VPS13D: variants seen among roughly 807,000 people sequenced by gnomAD.
VPS13D encodes the protein vacuolar protein sorting 13 homolog D.
In VPS13D, 187 loss-of-function variants were observed where a neutral mutation model predicts 461.9. The observed-to-expected ratio is 0.40, with a 90% CI of 0.36 to 0.46. The LOEUF (loss-of-function observed/expected upper bound fraction) is 0.46. Ranked by LOEUF, VPS13D falls within the 20% of genes least tolerant of loss-of-function variation. The pLI is 0.60. For synonymous variants in VPS13D, 1,951 were observed against 1,986.3 expected (o/e 0.98, Z 0.47); for missense variants, 4,711 against 5,364.9 (o/e 0.88, Z 3.81).
At position 12,440,956 on chromosome 1, in the gene VPS13D, A is replaced by G. The variant is rs192824421; in HGVS notation, c.12334-15042A>G. ...TTTTTTTCTTTCGAGATGGAGTTTC[A>G]CTCTTGTCACCCAGGGTGGAGTGCA... On this transcript the variant is annotated intron_variant, in intron 65 of 69. Transcript: ENST00000620676. Among the ~76,000 whole-genome samples, 689 of 151,672 alleles carry G rather than the reference A, an allele frequency of 4.5e-3. 3 individuals carry two copies. The highest frequency in any genetic ancestry group is 7.6e-3 in the Non-Finnish European group (517 of 67,890).
At chr1:12,245,784 T>G (rs1338474651) in intron 5 of VPS13D, among the ~76,000 whole-genome samples, 1 of 152,256 alleles carries the variant, frequency 6.6e-6, no homozygotes, top group Non-Finnish European at 1.5e-5. Context: ...CCCTCTGCCT[T>G]CAGCCCCTGT....
chr1:12,230,325 G>A (rs551729408), intron 1 of VPS13D, among the ~76,000 whole-genome samples: 1 of 152,204 alleles, frequency 6.6e-6, no homozygotes, highest in Non-Finnish European at 1.5e-5. Context: ...GCTCCCCCCG[G>A]GCCCCAAGCC....
At chr1:12,422,473 T>C (rs1370794744) in intron 65 of VPS13D, among the ~76,000 whole-genome samples, 1 of 152,246 alleles carries the variant, frequency 6.6e-6, no homozygotes, top group South Asian at 2.1e-4. Flanking sequence ...TGCCACTTTT[T>C]AGTTAATGCA....
At chr1:12,305,190 T>C (rs773685972) in intron 26 of VPS13D, among the ~76,000 whole-genome samples, 4 of 152,260 alleles carry the variant, frequency 2.6e-5, no homozygotes, top group Non-Finnish European at 5.9e-5. Context: ...ACATGAACCA[T>C]CTGGTTATTG....
chr1:12,395,223 A>C (rs776254277), intron 60 of VPS13D, among the ~76,000 whole-genome samples: 1 of 152,210 alleles, frequency 6.6e-6, no homozygotes, highest in Non-Finnish European at 1.5e-5. Flanking sequence ...AGCTGATGAC[A>C]GCATGGGTTG....
intron 46 of VPS13D, among the ~76,000 whole-genome samples, chr1:12,353,042 G>GAT: frequency 8.4e-6 from 1 of 119,180 alleles, no homozygotes; most frequent in South Asian, 2.9e-4. Context: ...AAGAAATGAA[G>GAT]ATATATGTCC....
At chr1:12,440,112 G>T (rs1220171675) in intron 65 of VPS13D, among the ~76,000 whole-genome samples, 1 of 152,190 alleles carries the variant, frequency 6.6e-6, no homozygotes, top group East Asian at 1.9e-4. Flanking sequence ...CTACATTGCC[G>T]CCCAAGAACA....
At chr1:12,260,605 A>G in intron 10 of VPS13D, 88 bp from the exon 11 acceptor site, 4 of 1,102,906 alleles carry the variant, frequency 3.6e-6, no homozygotes, top group Non-Finnish European at 5.5e-6. Flanking sequence ...TCTGTGCTTT[A>G]CTTTTAGTGG....
chr1:12,387,467 C>G (rs983501809), intron 60 of VPS13D, among the ~76,000 whole-genome samples: 1 of 152,208 alleles, frequency 6.6e-6, no homozygotes, highest in Non-Finnish European at 1.5e-5. Context: ...TTGGTCAAAA[C>G]TGATTCACAA....
intron 32 of VPS13D, among the ~76,000 whole-genome samples, chr1:12,320,869 A>G (rs1017194061): frequency 5.9e-5 from 9 of 152,256 alleles, no homozygotes; most frequent in African/African-American, 4.8e-5. Context: ...AGGCAGCACA[A>G]TTGGATCTGA....
intron 63 of VPS13D, among the ~76,000 whole-genome samples, chr1:12,408,645 A>T (rs1644685588): frequency 6.6e-6 from 1 of 152,206 alleles, no homozygotes; most frequent in Admixed American, 6.5e-5. Flanking sequence ...GATTACAGGC[A>T]TGAGCCGCTG....
At chr1:12,330,713 C>A (rs1032046854) in intron 37 of VPS13D, among the ~76,000 whole-genome samples, 1 of 151,778 alleles carries the variant, frequency 6.6e-6, no homozygotes, top group Admixed American at 6.6e-5. Flanking sequence ...ATTACAGGCG[C>A]TTGCCACCAT....
At chr1:12,288,398 G>C (rs1326300286) in intron 22 of VPS13D, 85 bp downstream of exon 22, 2 of 1,231,328 alleles carry the variant, frequency 1.6e-6, no homozygotes, top group Admixed American at 1.7e-5. Flanking sequence ...TTGTCCTCAC[G>C]TGCTGAGTAA....
In VPS13D at chr1:12,276,783, T is replaced by C; in HGVS notation, c.3195T>C (p.Ser1065=). 6.2e-7 allele frequency: 1 copy of C among 1,614,208 alleles called. No individual in the cohort carries two copies. The highest frequency in any genetic ancestry group is 1.1e-5 in the South Asian group (1 of 91,084). ...GATLNDRSAT[S]VSLDKILTKE... is the part of the protein sequence containing the mutation. ...CACTGAACGACCGATCAGCTACTAG[T>C]GTTTCACTTGACAAAATTCTTACCA... is the stretch of plus-strand genomic sequence containing the variant. Residue 1065 remains serine (S), a synonymous_variant, in exon 19 of 70, where the codon AGT becomes AGC. Transcript: ENST00000620676. This position sits in a 1 kb window ranked among gnomAD's most constrained non-coding sequence, Gnocchi z 4.5.
chr1:12,415,302 G>T, intron 64 of VPS13D, 81 bp downstream of exon 64: 1 of 1,576,344 alleles, frequency 6.3e-7, no homozygotes, highest in Admixed American at 1.7e-5. Context: ...GGTTACTAAG[G>T]CATTACTATT....
rs1329058313 is a variant in VPS13D at position 12,257,144 on chromosome 1, A to G, written c.941+57A>G. On this transcript the variant is annotated intron_variant, in intron 9 of 69. Transcript: ENST00000620676. ...ATGTTAGAGCCTGTTCTTGCTATGT[A>G]CATAGATCAGAAATATGCCTCACTG... The G allele has an allele frequency of 1.1e-5, 16 of 1,485,396 alleles. No homozygotes were observed. In the Admixed American group the frequency reaches 2.5e-4, roughly 23 times the overall value. 92.0% of individuals were successfully genotyped at this position (1,485,396 alleles called of 1,614,324 possible).
In VPS13D at chr1:12,378,577, A is replaced by C. The variant is rs2101641943; in HGVS notation, c.11067A>C (p.Ala3689=). The C allele has an allele frequency of 6.3e-7, 1 of 1,581,706 alleles. No homozygotes were observed. The highest frequency in any genetic ancestry group is 1.2e-5 in the South Asian group (1 of 86,176). The change falls in exon 56 of 70, where the codon GCA becomes GCC. Residue 3689 remains alanine, a synonymous_variant. Transcript: ENST00000620676. ...TCTTAGATATTGCTGGTCTCGCTGC[A>C]GTGACTGACAACAGGTAATTTTCTA... ...SAILDIAGLA[A]VTDNRYEPLM...
At chr1:12,365,113 G>C (rs537069610) in intron 52 of VPS13D, among the ~76,000 whole-genome samples, 1 of 152,146 alleles carries the variant, frequency 6.6e-6, no homozygotes, top group African/African-American at 2.4e-5. Context: ...CTATTTCATT[G>C]GTCTATATGT....
Position 12,389,835 on chromosome 1 carries a change from T to C in VPS13D, c.11634+3501T>C, listed in dbSNP as rs578232343. On this transcript the variant is annotated intron_variant, in intron 60 of 69. Transcript: ENST00000620676. ...CCTGCCTGGATTGGGCTGTTGTAGT[T>C]TCCCATTGCCTTAATCACAGGGCAT... Among the ~76,000 whole-genome samples the C allele has an allele frequency of 2.6e-5, 4 of 152,346 alleles. No individual in the cohort carries two copies. In the East Asian group the frequency reaches 7.7e-4, roughly 29 times the overall value.
Sources: gnomAD v4.1 joint callset for allele counts (sites outside exome capture counted in the v4.1 genomes callset) on GRCh38, gnomAD v4.1.1 for gene constraint, Gnocchi (gnomAD v3.1) non-coding constraint, MANE v1.5 for transcripts, NCBI Gene and HGNC (gene_info 2026-07-23, HGNC 2026-07-21) for gene names.